EVC2: variants seen among roughly 807,000 people sequenced by gnomAD.
EVC2 encodes the protein limbin.
A neutral mutation model predicts 149.3 loss-of-function variants in EVC2; 148 were observed. The ratio of observed to expected loss-of-function variants is 0.99; its 90% CI spans 0.87 to 1.14. The LOEUF (loss-of-function observed/expected upper bound fraction) is 1.14, where lower values mean the gene tolerates loss of function less well. EVC2 is among the 50% of genes most tolerant of loss of function. The pLI, the probability that EVC2 is intolerant of heterozygous loss-of-function variation, is 0.00. For missense variants in EVC2, 1,854 were observed against 1,627.3 expected (o/e 1.14, Z -2.40); for synonymous variants, 776 against 649.9 (o/e 1.19, Z -2.95).
At position 5,649,481 on chromosome 4, in the gene EVC2, G is replaced by C. The variant is rs376235641; in HGVS notation, c.1146-8643C>G. On this transcript the variant is annotated intron_variant, in intron 9 of 21. Transcript: ENST00000344408. The stretch of plus-strand genomic sequence containing the variant: ...ATTAGCTACTAATGATAAAAAAAGA[G>C]AGAAGATGACATTAATTCTTCTTTC... Among the ~76,000 whole-genome samples, 4 of 152,278 alleles carry C rather than the reference G, an allele frequency of 2.6e-5. No individual in the cohort carries two copies. In the South Asian group the frequency reaches 8.3e-4, roughly 32 times the overall value.
At chr4:5,689,072 A>G in intron 5 of EVC2, 85 bp downstream of exon 5, 1 of 1,473,684 alleles carries the variant, frequency 6.8e-7, no homozygotes. Context: ...CTTTAAGAAC[A>G]TGCCTGACCC....
At chr4:5,697,476 A>G in intron 2 of EVC2, 117 bp downstream of exon 2, 1 of 1,049,426 alleles carries the variant, frequency 9.5e-7, no homozygotes, top group South Asian at 1.4e-5. Flanking sequence ...TACTTGCCCA[A>G]AGTAGAGAGG....
intron 16 of EVC2, among the ~76,000 whole-genome samples, chr4:5,599,038 T>G (rs1190510806): frequency 1.3e-5 from 2 of 152,012 alleles, no homozygotes; most frequent in Admixed American, 1.3e-4. Context: ...CTCACACCAG[T>G]TAGAATGGCA....
intron 21 of EVC2, among the ~76,000 whole-genome samples, chr4:5,551,793 G>A (rs544810248): frequency 2.0e-5 from 3 of 152,212 alleles, no homozygotes; most frequent in South Asian, 2.1e-4. Flanking sequence ...CATGGGGGCC[G>A]GTCTTTCCCG....
intron 16 of EVC2, among the ~76,000 whole-genome samples, chr4:5,600,131 C>T (rs1269105676): frequency 6.6e-6 from 1 of 152,158 alleles, no homozygotes; most frequent in Non-Finnish European, 1.5e-5. Context: ...CTCTTACATA[C>T]AAACTTACCA....
At chr4:5,549,745 T>A (rs1267149265) in intron 21 of EVC2, among the ~76,000 whole-genome samples, 1 of 152,078 alleles carries the variant, frequency 6.6e-6, no homozygotes, top group Non-Finnish European at 1.5e-5. Context: ...AATAACTGAA[T>A]GAATTTTATG....
chr4:5,557,307 GC>G (rs1296555910), intron 21 of EVC2, among the ~76,000 whole-genome samples: 5 of 152,052 alleles, frequency 3.3e-5, no homozygotes, highest in Non-Finnish European at 7.4e-5. Flanking sequence ...ACATCAACGG[GC>G]TAAAGAAAAA....
At chr4:5,539,820 T>A (rs1721483789), downstream of EVC2, among the ~76,000 whole-genome samples, 1 of 150,552 alleles carries the variant, frequency 6.6e-6, no homozygotes, top group African/African-American at 2.4e-5. Context: ...TGACCTTGAG[T>A]TGAGCAAATA....
Position 5,584,681 on chromosome 4 carries a change from C to T in EVC2, c.2999G>A (p.Ser1000Asn), listed in dbSNP as rs374186161. The stretch of plus-strand genomic sequence containing the variant: ...CGACTTGGTCAGCATCTCAGATGCA[C>T]TCAGCTCTTCCAGGAGCAAGTCCTG... ...SIQDLLLEEL[S>N]ASEMLTKSAC... is the part of the protein sequence containing the mutation. The change falls in exon 17 of 22, where the codon AGT becomes AAT. Residue 1000 changes from serine to asparagine, a missense_variant. Physicochemically the swap from Ser to Asn is conservative, Grantham distance 46. Transcript: ENST00000344408. 4.3e-6 allele frequency: 7 copies of T among 1,614,014 alleles called. No homozygotes were observed. In the African/African-American group the frequency reaches 9.3e-5, roughly 22 times the overall value.
intron 17 of EVC2, among the ~76,000 whole-genome samples, chr4:5,578,413 T>C (rs1378184449): frequency 6.6e-6 from 1 of 152,122 alleles, no homozygotes; most frequent in African/African-American, 2.4e-5. Flanking sequence ...CTTCACAAAA[T>C]AACACAAGAT....
At chr4:5,673,048 T>C (rs1477016004) in intron 7 of EVC2, among the ~76,000 whole-genome samples, 2 of 152,074 alleles carry the variant, frequency 1.3e-5, no homozygotes, top group Non-Finnish European at 2.9e-5. Context: ...GTGGGGAAAA[T>C]GTTCTGTAAG....
Position 5,562,839 on chromosome 4 carries a change from T to G in EVC2, c.*9A>C, listed in dbSNP as rs776417916. Reference sequence around the variant, plus strand: ...CTCTTCAGATGCTCCCGCAGGTCTTTCCCTTGGGCTAGTCCATGCCCAAGG... The same window carrying G: ...CTCTTCAGATGCTCCCGCAGGTCTTGCCCTTGGGCTAGTCCATGCCCAAGG... On this transcript the variant is annotated 3_prime_UTR_variant, in exon 22 of 22. Transcript: ENST00000344408. This position sits in a 1 kb window ranked among gnomAD's most constrained non-coding sequence, Gnocchi z 4.3. 6.2e-7 allele frequency: 1 copy of G among 1,613,660 alleles called. No homozygotes were observed. The highest frequency in any genetic ancestry group is 1.1e-5 in the South Asian group (1 of 91,054).
chr4:5,541,389 G>C (rs1721511109), downstream of EVC2, among the ~76,000 whole-genome samples: 1 of 152,220 alleles, frequency 6.6e-6, no homozygotes, highest in African/African-American at 2.4e-5. Flanking sequence ...CAGTGAGAGG[G>C]AAGCTCGGAA....
chr4:5,580,428 C>A (rs951450967), intron 17 of EVC2, among the ~76,000 whole-genome samples: 1 of 152,170 alleles, frequency 6.6e-6, no homozygotes, highest in Non-Finnish European at 1.5e-5. Context: ...AGGATAAAAT[C>A]GAAAATGTAA....
chr4:5,566,185 C>G (rs1722276705), intron 20 of EVC2, among the ~76,000 whole-genome samples: 2 of 152,338 alleles, frequency 1.3e-5, no homozygotes, highest in South Asian at 2.1e-4. Flanking sequence ...GTGCGTGGTC[C>G]TAGACTGAAG....
intron 3 of EVC2, among the ~76,000 whole-genome samples, chr4:5,693,528 G>A (rs564485713): frequency 6.6e-6 from 1 of 152,344 alleles, no homozygotes; most frequent in South Asian, 2.1e-4. Context: ...AGAGGGAGGA[G>A]GATGCTCCCC....
At chr4:5,624,114 T>A (rs926995474) in intron 13 of EVC2, among the ~76,000 whole-genome samples, 3 of 152,086 alleles carry the variant, frequency 2.0e-5, no homozygotes, top group Non-Finnish European at 4.4e-5. Flanking sequence ...GGAGGTCTCA[T>A]CTGAATCAGG....
At chr4:5,543,150 T>A in exon 22 of EVC2, 1 of 1,289,800 alleles carries the variant, frequency 7.8e-7, no homozygotes, top group Non-Finnish European at 1.0e-6. Context: ...AGACATCCAC[T>A]CAATTAACCC....
At chr4:5,694,242 G>T in intron 3 of EVC2, 93 bp downstream of exon 3, 2 of 1,346,322 alleles carry the variant, frequency 1.5e-6, no homozygotes, top group Non-Finnish European at 2.1e-6. Flanking sequence ...GTTTTTTTAA[G>T]CAACAAAAAC....
Sources: allele counts gnomAD v4.1 joint callset (sites outside exome capture counted in the v4.1 genomes callset), GRCh38; gene constraint gnomAD v4.1.1; non-coding constraint Gnocchi (gnomAD v3.1); transcripts MANE v1.5; gene names NCBI Gene and HGNC (gene_info 2026-07-23, HGNC 2026-07-21).